The following FBXL7 variants were observed in gnomAD, a reference collection of about 807,000 sequenced individuals.
The protein encoded by FBXL7 is F-box/LRR-repeat protein 7.
A neutral mutation model predicts 38.3 loss-of-function variants in FBXL7; 12 were observed. That is an observed-to-expected ratio of 0.31 (90% confidence interval 0.20 to 0.51). FBXL7 has a LOEUF of 0.51. FBXL7 is among the 20% of genes least tolerant of loss of function. The probability of loss-of-function intolerance (pLI) is 0.98; values close to 1 mark genes in which losing one functional copy is unlikely to be tolerated. For synonymous variants in FBXL7, 297 were observed against 300.9 expected (o/e 0.99, Z 0.13); for missense variants, 567 against 676.4 (o/e 0.84, Z 1.79).
At chr5:15,859,005 G>A (rs1739358237) in intron 2 of FBXL7, among the ~76,000 whole-genome samples, 2 of 151,984 alleles carry the variant, frequency 1.3e-5, no homozygotes, top group African/African-American at 2.4e-5. Flanking sequence ...AACATACCTT[G>A]GATCCTCTTC....
chr5:15,668,622 G>A (rs894023274), intron 2 of FBXL7, among the ~76,000 whole-genome samples: 5 of 152,132 alleles, frequency 3.3e-5, no homozygotes, highest in Non-Finnish European at 7.3e-5. Flanking sequence ...ACCATGAAGT[G>A]GAAGGCCATA....
chr5:15,814,637 A>T (rs1313208932), intron 2 of FBXL7, among the ~76,000 whole-genome samples: 2 of 152,108 alleles, frequency 1.3e-5, no homozygotes, highest in Non-Finnish European at 2.9e-5. Flanking sequence ...CATTGTAAAA[A>T]AATTTTTTTT....
At chr5:15,789,446 C>T (rs1737218265) in intron 2 of FBXL7, among the ~76,000 whole-genome samples, 1 of 152,144 alleles carries the variant, frequency 6.6e-6, no homozygotes, top group Non-Finnish European at 1.5e-5. Context: ...CCCTTTGAGG[C>T]AACCCCATCC....
chr5:15,636,303 G>A (rs1261527311), intron 2 of FBXL7, among the ~76,000 whole-genome samples: 1 of 152,084 alleles, frequency 6.6e-6, no homozygotes, highest in Admixed American at 6.6e-5. Context: ...TGCATGTGCT[G>A]AGTTTTTCAG....
At chr5:15,712,159 G>A (rs1031955866) in intron 2 of FBXL7, among the ~76,000 whole-genome samples, 1 of 152,138 alleles carries the variant, frequency 6.6e-6, no homozygotes, top group Non-Finnish European at 1.5e-5. Flanking sequence ...ATGTTTTTAT[G>A]TGCATGTACA....
In FBXL7 at chr5:15,734,352, C is replaced by T. The variant is rs115992791; in HGVS notation, c.127+118280C>T. Among the ~76,000 whole-genome samples, 940 of 152,266 alleles carry T rather than the reference C, an allele frequency of 6.2e-3. 4 individuals carry two copies. Among genetic ancestry groups the T allele is most frequent in the African/African-American group, 0.021 (889 of 41,542 alleles). ...GCACATACTGCTCCTCTGGGGCTGG[C>T]GATCACAAGTCATGGGTTTAATCCC... On this transcript the variant is annotated intron_variant, in intron 2 of 3. Transcript: ENST00000504595.
intron 1 of FBXL7, among the ~76,000 whole-genome samples, chr5:15,571,916 A>C (rs1038995686): frequency 9.9e-5 from 15 of 152,166 alleles, no homozygotes; most frequent in African/African-American, 3.6e-4. Context: ...TAGCCCACAC[A>C]TGCCCCATCT....
chr5:15,641,941 T>TTGTGTGTGTGTG (rs199980981), intron 2 of FBXL7, among the ~76,000 whole-genome samples: 2 of 141,522 alleles, frequency 1.4e-5, no homozygotes, highest in Admixed American at 7.1e-5. Context: ...ACATAAAACC[T>TTGTGTGTGTGTG]TGTGTGTGTG....
chr5:15,912,751 C>T lies in FBXL7; in HGVS notation c.128-15139C>T, dbSNP rs145269287. The stretch of plus-strand genomic sequence containing the variant: ...ACTCCACCATAAAAGTCCTGCCTCC[C>T]GCACTCAGGGACCCACCGAAACGCC... On this transcript the variant is annotated intron_variant, in intron 2 of 3. Transcript: ENST00000504595. 2.9e-3 allele frequency among the ~76,000 whole-genome samples: 448 copies of T among 152,176 alleles called. 1 individual carries two copies. Among genetic ancestry groups the T allele is most frequent in the African/African-American group, 8.3e-3 (344 of 41,522 alleles).
chr5:15,599,138 GCCT>G (rs1195498966), intron 1 of FBXL7, among the ~76,000 whole-genome samples: 1 of 152,150 alleles, frequency 6.6e-6, no homozygotes, highest in African/African-American at 2.4e-5. Flanking sequence ...GCCAAAGGAA[GCCT>G]CCTGCTGCAA....
intron 1 of FBXL7, among the ~76,000 whole-genome samples, chr5:15,526,495 G>A (rs2097454633): frequency 6.6e-6 from 1 of 152,144 alleles, no homozygotes. Context: ...AGTCCTGGGA[G>A]CAATGATGAA....
chr5:15,624,319 C>T (rs1242318429), intron 2 of FBXL7, among the ~76,000 whole-genome samples: 1 of 152,162 alleles, frequency 6.6e-6, no homozygotes, highest in African/African-American at 2.4e-5. Flanking sequence ...CCTTTATGCC[C>T]TCTCTCAGGG....
intron 1 of FBXL7, among the ~76,000 whole-genome samples, chr5:15,558,134 T>C (rs1206577249): frequency 6.6e-6 from 1 of 152,170 alleles, no homozygotes; most frequent in Non-Finnish European, 1.5e-5. Flanking sequence ...TAAAAATGGC[T>C]AGAATCACAT....
At chr5:15,636,238 CTG>C (rs1323555753) in intron 2 of FBXL7, among the ~76,000 whole-genome samples, 1 of 152,038 alleles carries the variant, frequency 6.6e-6, no homozygotes, top group Non-Finnish European at 1.5e-5. Context: ...TTACCACATA[CTG>C]TATCTTTCCT....
chr5:15,506,004 A>G (rs1736636285), intron 1 of FBXL7, among the ~76,000 whole-genome samples: 1 of 152,144 alleles, frequency 6.6e-6, no homozygotes, highest in Non-Finnish European at 1.5e-5. Flanking sequence ...TAACTTTTAC[A>G]GTTTGAGGTA....
At chr5:15,912,805 A>G (rs1156919204) in intron 2 of FBXL7, among the ~76,000 whole-genome samples, 2 of 152,102 alleles carry the variant, frequency 1.3e-5, no homozygotes, top group South Asian at 2.1e-4. Flanking sequence ...TATTGGGTCC[A>G]TTCACTGGAA....
intron 2 of FBXL7, among the ~76,000 whole-genome samples, chr5:15,893,197 G>A (rs1364512362): frequency 4.0e-5 from 6 of 151,860 alleles, no homozygotes; most frequent in African/African-American, 1.5e-4. Context: ...AGGACAGGGT[G>A]GAAATCAGTC....
chr5:15,806,267 A>G (rs1378531701), intron 2 of FBXL7, among the ~76,000 whole-genome samples: 3 of 152,180 alleles, frequency 2.0e-5, no homozygotes, highest in Non-Finnish European at 2.9e-5. Flanking sequence ...GACTCATTTT[A>G]TTTTAGTCAA....
At chr5:15,829,791 A>G (rs1342399319) in intron 2 of FBXL7, among the ~76,000 whole-genome samples, 1 of 152,192 alleles carries the variant, frequency 6.6e-6, no homozygotes, top group African/African-American at 2.4e-5. Context: ...GTTGAACATC[A>G]AGATTTGCTT....
Sources: allele counts gnomAD v4.1 joint callset (sites outside exome capture counted in the v4.1 genomes callset), GRCh38; gene constraint gnomAD v4.1.1; transcripts MANE v1.5; gene names NCBI Gene and HGNC (gene_info 2026-07-23, HGNC 2026-07-21).